Variants in HLF observed in about 807,000 individuals in gnomAD.
HLF encodes HLF transcription factor, PAR bZIP family member, also known as hepatic leukemia factor.
A neutral mutation model predicts 22.6 loss-of-function variants in HLF; 3 were observed. The ratio of observed to expected loss-of-function variants is 0.13; its 90% confidence interval spans 0.06 to 0.34. The LOEUF (loss-of-function observed/expected upper bound fraction) is 0.34. HLF is among the 10% of genes least tolerant of loss of function. The pLI is 1.00. For missense variants in HLF, 299 were observed against 389.2 expected (o/e 0.77, Z 1.95); for synonymous variants, 151 against 151.8 (o/e 0.99, Z 0.04).
intron 2 of HLF, among the ~76,000 whole-genome samples, chr17:55,297,573 T>A (rs2081121018): frequency 1.3e-5 from 2 of 151,680 alleles, no homozygotes; most frequent in Non-Finnish European, 2.9e-5. Flanking sequence ...CTGAAAAAAA[T>A]TTCCCAGCCC....
At chr17:55,300,665 T>G (rs2081148900) in intron 2 of HLF, among the ~76,000 whole-genome samples, 1 of 152,224 alleles carries the variant, frequency 6.6e-6, no homozygotes, top group Non-Finnish European at 1.5e-5. Flanking sequence ...TTCCCCATGT[T>G]CAGTTGGCAA....
Position 55,301,314 on chromosome 17 carries a change from A to T in HLF, c.452-13913A>T, listed in dbSNP as rs532623737. ...TTTATATATTCTCAGAGCCTGGCTCATAGTAGGGGCTCAATAAAAGTGTTT... is the reference window on the plus strand; with the variant it reads ...TTTATATATTCTCAGAGCCTGGCTCTTAGTAGGGGCTCAATAAAAGTGTTT... On this transcript the variant is annotated intron_variant, in intron 2 of 3. Transcript: ENST00000226067. 1.2e-4 allele frequency among the ~76,000 whole-genome samples: 19 copies of T among 152,386 alleles called. No homozygotes were observed. The East Asian group carries it at 3.5e-3, about 28-fold the overall frequency.
At chr17:55,288,223 T>A (rs907374627) in intron 2 of HLF, among the ~76,000 whole-genome samples, 1 of 151,906 alleles carries the variant, frequency 6.6e-6, no homozygotes, top group Non-Finnish European at 1.5e-5. Context: ...TCTCAGCTCA[T>A]GGTAACCTCT....
intron 2 of HLF, among the ~76,000 whole-genome samples, chr17:55,310,030 A>G (rs1233166062): frequency 6.6e-6 from 1 of 152,212 alleles, no homozygotes. Context: ...AGAATATGAA[A>G]TATCCTGTTT....
At chr17:55,267,142 G>A (rs1427751032) in intron 1 of HLF, among the ~76,000 whole-genome samples, 2 of 152,182 alleles carry the variant, frequency 1.3e-5, no homozygotes, top group Non-Finnish European at 2.9e-5. Flanking sequence ...GAGCCTCCGA[G>A]TCTTTGTTGT....
chr17:55,284,437 G>T (rs2080982581), intron 2 of HLF, among the ~76,000 whole-genome samples: 1 of 152,194 alleles, frequency 6.6e-6, no homozygotes, highest in South Asian at 2.1e-4. Flanking sequence ...CTGCACTTGA[G>T]CTCTGCATAC....
intron 3 of HLF, among the ~76,000 whole-genome samples, chr17:55,319,538 T>G (rs1340537805): frequency 2.0e-5 from 3 of 152,130 alleles, no homozygotes; most frequent in African/African-American, 7.2e-5. Context: ...AGTTTTTCCT[T>G]TCTGTCAGGG....
intron 2 of HLF, among the ~76,000 whole-genome samples, chr17:55,294,275 ATG>A (rs1466262736): frequency 6.6e-6 from 1 of 152,194 alleles, no homozygotes; most frequent in African/African-American, 2.4e-5. Context: ...GGTCAAGAGA[ATG>A]TGTCTTTCAC....
chr17:55,284,506 G>A (rs1355412370), intron 2 of HLF, among the ~76,000 whole-genome samples: 1 of 152,188 alleles, frequency 6.6e-6, no homozygotes, highest in African/African-American at 2.4e-5. Flanking sequence ...CCAAGGTGAA[G>A]GCTCACCTGG....
intron 2 of HLF, among the ~76,000 whole-genome samples, chr17:55,296,740 T>C (rs1162414424): frequency 6.6e-6 from 1 of 152,232 alleles, no homozygotes; most frequent in Non-Finnish European, 1.5e-5. Context: ...AGATGTGGAA[T>C]TGCTGGATCA....
chr17:55,304,149 T>C (rs3829578), intron 2 of HLF, among the ~76,000 whole-genome samples: 98,112 of 151,908 alleles, frequency 0.65, 31,976 homozygotes, highest in East Asian at 0.81. Flanking sequence ...TCTCTGGTAC[T>C]CTGGGTTCAT....
intron 2 of HLF, among the ~76,000 whole-genome samples, chr17:55,292,357 C>T (rs917633872): frequency 6.6e-6 from 1 of 152,128 alleles, no homozygotes; most frequent in Non-Finnish European, 1.5e-5. Context: ...CCACCCTGAT[C>T]GATTAGTAGC....
At chr17:55,302,970 G>A (rs964778418) in intron 2 of HLF, among the ~76,000 whole-genome samples, 1 of 152,172 alleles carries the variant, frequency 6.6e-6, no homozygotes, top group Non-Finnish European at 1.5e-5. Context: ...TACCTACTTC[G>A]CAGAGTTGTT....
At chr17:55,303,031 C>T (rs546238705) in intron 2 of HLF, among the ~76,000 whole-genome samples, 24 of 152,156 alleles carry the variant, frequency 1.6e-4, no homozygotes, top group Non-Finnish European at 3.2e-4. Flanking sequence ...GGACTAGGTC[C>T]GCCAGATGCA....
Position 55,320,983 on chromosome 17 carries a change from G to A in HLF, c.*104G>A, listed in dbSNP as rs773936419. The A allele has an allele frequency of 7.0e-6, 6 of 853,730 alleles. No homozygotes were observed. Among genetic ancestry groups the A allele is most frequent in the Non-Finnish European group, 1.1e-5 (6 of 538,358 alleles). The allele number at this position is 853,730 out of a possible 1,614,324, so 52.9% of individuals were successfully genotyped here. A position where few individuals can be genotyped will look rare whatever the true frequency, so the allele number is the denominator to read the frequency against. On this transcript the variant is annotated 3_prime_UTR_variant, in exon 4 of 4. Coordinates refer to ENST00000226067, the MANE Select transcript of HLF (RefSeq NM_002126.5). This position sits in a 1 kb window ranked among gnomAD's most constrained non-coding sequence, Gnocchi z 4.2. The stretch of plus-strand genomic sequence containing the variant: ...TTTCTGACATCAGCACTTTACCAGA[G>A]GCATAAACACAACTGACTCCCATTT...
At chr17:55,314,064 C>T (rs752225449) in intron 2 of HLF, among the ~76,000 whole-genome samples, 3 of 152,178 alleles carry the variant, frequency 2.0e-5, no homozygotes, top group Non-Finnish European at 4.4e-5. Flanking sequence ...CCAAACACAG[C>T]TGAACGACAT....
At chr17:55,312,606 A>T (rs754471465) in intron 2 of HLF, among the ~76,000 whole-genome samples, 3 of 152,258 alleles carry the variant, frequency 2.0e-5, no homozygotes, top group Non-Finnish European at 4.4e-5. Flanking sequence ...TGGGTAGTAT[A>T]ATACCATTTG....
intron 2 of HLF, among the ~76,000 whole-genome samples, chr17:55,302,480 C>T (rs1904339750): frequency 6.6e-6 from 1 of 152,124 alleles, no homozygotes; most frequent in Non-Finnish European, 1.5e-5. Flanking sequence ...TGTTATTCTT[C>T]CTTTGTTTTG....
At chr17:55,278,944 T>C (rs1259691532) in intron 2 of HLF, among the ~76,000 whole-genome samples, 1 of 152,202 alleles carries the variant, frequency 6.6e-6, no homozygotes, top group Non-Finnish European at 1.5e-5. Flanking sequence ...AATGTAAAGA[T>C]GGAAATAAAG....
Sources: allele counts gnomAD v4.1 joint callset (sites outside exome capture counted in the v4.1 genomes callset), GRCh38; gene constraint gnomAD v4.1.1; non-coding constraint Gnocchi (gnomAD v3.1); transcripts MANE v1.5; gene names NCBI Gene and HGNC (gene_info 2026-07-23, HGNC 2026-07-21).